NAA11: variants seen among roughly 807,000 people sequenced by gnomAD.
NAA11 encodes the protein N-alpha-acetyltransferase 11.
In NAA11, 15 loss-of-function variants were observed where a neutral mutation model predicts 16.1. The ratio of observed to expected loss-of-function variants is 0.93; its 90% CI spans 0.62 to 1.44. NAA11 has a LOEUF of 1.44. Among genes scored for constraint, NAA11 ranks in the 40% most tolerant of loss-of-function variants. NAA11 has a pLI of 0.00. For missense variants in NAA11, 298 were observed against 291.3 expected (o/e 1.02, Z -0.17); for synonymous variants, 122 against 112.4 (o/e 1.09, Z -0.54).
At chr4:79,164,619 A>G in the NAA11 span, among the ~76,000 whole-genome samples, 2 of 152,172 alleles carry the variant, frequency 1.3e-5, no homozygotes, top group African/African-American at 4.8e-5. Flanking sequence ...GGTGACAAAT[A>G]GCCCCAGGTG....
the NAA11 span, among the ~76,000 whole-genome samples, chr4:79,169,851 G>T: frequency 1.3e-5 from 2 of 152,264 alleles, no homozygotes; most frequent in East Asian, 3.9e-4. Context: ...CTTCAACATT[G>T]GAGATGACAC....
intron 2 of NAA11, among the ~76,000 whole-genome samples, chr4:79,242,274 C>CTGT (rs10659083): frequency 6.6e-6 from 1 of 151,966 alleles, no homozygotes; most frequent in South Asian, 2.1e-4. Flanking sequence ...TTAGTTTCAG[C>CTGT]TAGTTCCAGC....
At chr4:79,159,142 A>G in the NAA11 span, among the ~76,000 whole-genome samples, 3 of 152,348 alleles carry the variant, frequency 2.0e-5, no homozygotes, top group Middle Eastern at 3.4e-3. Context: ...TCAGCGGAGT[A>G]AACAGACAAC....
chr4:79,218,179 A>C, the NAA11 span, among the ~76,000 whole-genome samples: 151,099 of 152,226 alleles, frequency 0.99, 74,998 homozygotes, highest in Middle Eastern at 1. Flanking sequence ...GCAGTGGGGT[A>C]AGAGAATACA....
chr4:79,294,289 T>C (rs1048281407), intron 1 of NAA11, among the ~76,000 whole-genome samples: 5 of 152,160 alleles, frequency 3.3e-5, no homozygotes, highest in Non-Finnish European at 5.9e-5. Context: ...TCGTCTCCCT[T>C]TGAACTTACC....
intron 2 of NAA11, among the ~76,000 whole-genome samples, chr4:79,274,583 T>G (rs1033916576): frequency 6.6e-6 from 1 of 152,128 alleles, no homozygotes; most frequent in Non-Finnish European, 1.5e-5. Context: ...CCTACCTATG[T>G]GACCTTGGTC....
chr4:79,252,001 C>G (rs1014002933), intron 2 of NAA11, among the ~76,000 whole-genome samples: 1 of 70,068 alleles, frequency 1.4e-5, no homozygotes, highest in African/African-American at 3.6e-5. Context: ...CCATGGAATA[C>G]TACTCAGCCA....
At chr4:79,312,048 C>A (rs1723784895), downstream of NAA11, among the ~76,000 whole-genome samples, 1 of 152,140 alleles carries the variant, frequency 6.6e-6, no homozygotes, top group African/African-American at 2.4e-5. Flanking sequence ...AAGAGATGTA[C>A]CTCTCACCCA....
intron 1 of NAA11, among the ~76,000 whole-genome samples, chr4:79,307,990 T>C (rs1244585361): frequency 6.6e-6 from 1 of 152,106 alleles, no homozygotes; most frequent in Non-Finnish European, 1.5e-5. Flanking sequence ...TGTAATTCCA[T>C]GGATATGAAA....
At chr4:79,177,822 G>A in the NAA11 span, among the ~76,000 whole-genome samples, 3 of 152,074 alleles carry the variant, frequency 2.0e-5, no homozygotes, top group African/African-American at 7.2e-5. Context: ...ATTAAGAGGA[G>A]AAGTTTCTTA....
intron 2 of NAA11, among the ~76,000 whole-genome samples, chr4:79,270,060 T>A (rs1341517294): frequency 6.6e-6 from 1 of 151,096 alleles, no homozygotes; most frequent in Admixed American, 6.6e-5. Flanking sequence ...TCCATTGATC[T>A]ATATCTCTGT....
chr4:79,314,266 A>G (rs1723865596), downstream of NAA11, among the ~76,000 whole-genome samples: 1 of 152,214 alleles, frequency 6.6e-6, no homozygotes, highest in Non-Finnish European at 1.5e-5. Flanking sequence ...TTTATAATAA[A>G]CAAAATTTTG....
intron 2 of NAA11, among the ~76,000 whole-genome samples, chr4:79,266,681 G>A (rs772401957): frequency 2.0e-5 from 3 of 152,162 alleles, no homozygotes; most frequent in African/African-American, 7.2e-5. Context: ...GTATTCTTCC[G>A]GTTGAAGGCA....
the NAA11 span, among the ~76,000 whole-genome samples, chr4:79,210,367 G>C: frequency 2.0e-5 from 3 of 152,130 alleles, no homozygotes; most frequent in African/African-American, 7.2e-5. Context: ...GTAGAATGTT[G>C]CAAGGCTGGC....
chr4:79,303,303 C>CT (rs975940192), intron 1 of NAA11, among the ~76,000 whole-genome samples: 34 of 151,514 alleles, frequency 2.2e-4, no homozygotes, highest in African/African-American at 8.2e-4. Flanking sequence ...TCTTCTTGGC[C>CT]TTTGTTCATT....
chr4:79,167,131 T>TA, the NAA11 span, among the ~76,000 whole-genome samples: 23 of 53,752 alleles, frequency 4.3e-4, no homozygotes, highest in South Asian at 2.2e-3. Context: ...GACAGCTTAT[T>TA]TTATATATAT....
chr4:79,280,386 C>T (rs7699569), intron 2 of NAA11, among the ~76,000 whole-genome samples: 5,813 of 152,100 alleles, frequency 0.038, 403 homozygotes, highest in African/African-American at 0.13. Context: ...GGATTTGGCT[C>T]TTGAGACAAA....
At chr4:79,197,249 G>T in the NAA11 span, among the ~76,000 whole-genome samples, 3 of 151,768 alleles carry the variant, frequency 2.0e-5, no homozygotes, top group Non-Finnish European at 2.9e-5. Flanking sequence ...TTTTTTTAAG[G>T]CATATTTTAT....
chr4:79,279,343 T>C (rs538874297), intron 2 of NAA11, among the ~76,000 whole-genome samples: 160 of 152,206 alleles, frequency 1.1e-3, no homozygotes, highest in Admixed American at 1.8e-3. Flanking sequence ...AGAGAAAATA[T>C]GTAACTTGCT....
Sources: allele counts gnomAD v4.1 joint callset (sites outside exome capture counted in the v4.1 genomes callset), GRCh38; gene constraint gnomAD v4.1.1; transcripts MANE v1.5; gene names NCBI Gene and HGNC (gene_info 2026-07-23, HGNC 2026-07-21).